Variants in ALK observed in about 807,000 individuals in gnomAD.
ALK encodes the protein ALK tyrosine kinase receptor.
Under a neutral mutation model 163.1 loss-of-function variants are expected in ALK, and 74 were observed. The ratio of observed to expected loss-of-function variants is 0.45; its 90% CI spans 0.38 to 0.55. ALK has a LOEUF of 0.55. Ranked by LOEUF, ALK falls within the 20% of genes least tolerant of loss-of-function variation. ALK has a pLI of 0.00. For synonymous variants in ALK, 960 were observed against 843.2 expected, an observed-to-expected ratio of 1.14 and a Z score of -2.40; for missense variants, 2,063 against 2,105.3, an observed-to-expected ratio of 0.98 and a Z score of 0.39.
intron 11 of ALK, among the ~76,000 whole-genome samples, chr2:29,252,286 T>A (rs1477798278): frequency 6.6e-6 from 1 of 151,752 alleles, no homozygotes; most frequent in Non-Finnish European, 1.5e-5. Flanking sequence ...TTACAACCTA[T>A]AAAAACTTTT....
intron 1 of ALK, among the ~76,000 whole-genome samples, chr2:29,797,037 C>G (rs1664335342): frequency 6.6e-6 from 1 of 151,560 alleles, no homozygotes; most frequent in Admixed American, 6.6e-5. Flanking sequence ...CATACACACA[C>G]ATATATATAT....
intron 1 of ALK, among the ~76,000 whole-genome samples, chr2:29,749,305 A>G (rs1680289697): frequency 6.6e-6 from 1 of 152,204 alleles, no homozygotes; most frequent in African/African-American, 2.4e-5. Flanking sequence ...AACCTGTGAT[A>G]TAGATGAAAG....
intron 4 of ALK, among the ~76,000 whole-genome samples, chr2:29,431,181 A>C (rs1670263963): frequency 6.6e-6 from 1 of 152,186 alleles, no homozygotes; most frequent in Admixed American, 6.5e-5. Context: ...ATTCAATCAA[A>C]TGATTTCTGA....
At chr2:29,826,324 C>A (rs971244482) in intron 1 of ALK, among the ~76,000 whole-genome samples, 1 of 151,986 alleles carries the variant, frequency 6.6e-6, no homozygotes, top group Non-Finnish European at 1.5e-5. Flanking sequence ...ATAGGAAATA[C>A]GTCTGCAGTT....
intron 3 of ALK, among the ~76,000 whole-genome samples, chr2:29,622,258 C>G: frequency 6.6e-6 from 1 of 152,108 alleles, no homozygotes; most frequent in East Asian, 1.9e-4. Context: ...CCTGTTTTCA[C>G]GCTGCTAATA....
intron 3 of ALK, among the ~76,000 whole-genome samples, chr2:29,541,184 T>C (rs1037605503): frequency 6.6e-6 from 1 of 152,176 alleles, no homozygotes; most frequent in Non-Finnish European, 1.5e-5. Flanking sequence ...TAAAGAGAGA[T>C]GGGATGGTAT....
rs757954242 is a variant in ALK, at chr2:29,229,059, T to A, written c.2640A>T (p.Gly880=). Residue 880 remains glycine (G), a synonymous_variant, in exon 16 of 29, where the codon GGA becomes GGT. Transcript: ENST00000389048. ...AGGAAGTGTTATCATTCCAGCCACC[T>A]CCACCACCTGCGGGAAGAGATAGGG... ...LNGNSGAAGG[G]GGWNDNTSLL... The A allele has an allele frequency of 6.2e-7, 1 of 1,613,706 alleles. No individual in the cohort carries two copies. The highest frequency in any genetic ancestry group is 8.5e-7 in the Non-Finnish European group (1 of 1,179,886).
chr2:29,900,993 GAGAGCAAGCAAGCAAGCA>G (rs1667400399), intron 1 of ALK, among the ~76,000 whole-genome samples: 1 of 143,542 alleles, frequency 7.0e-6, no homozygotes, highest in African/African-American at 2.6e-5. Context: ...GAGAGAGAGA[GAGAGCAAGCAAGCAAGCA>G]AGCAAGCAAG....
At chr2:29,268,738 C>T (rs1665302991) in intron 11 of ALK, among the ~76,000 whole-genome samples, 2 of 152,294 alleles carry the variant, frequency 1.3e-5, no homozygotes, top group East Asian at 3.9e-4. Flanking sequence ...TAGTATTGTT[C>T]CTAACAGGCA....
intron 4 of ALK, among the ~76,000 whole-genome samples, chr2:29,509,306 A>G (rs549196168): frequency 6.6e-6 from 1 of 152,324 alleles, no homozygotes; most frequent in South Asian, 2.1e-4. Flanking sequence ...CTGATAGATT[A>G]AAAGAAGCTT....
intron 2 of ALK, among the ~76,000 whole-genome samples, chr2:29,707,752 G>C (rs1254310562): frequency 2.0e-5 from 3 of 152,202 alleles, no homozygotes; most frequent in African/African-American, 7.2e-5. Context: ...TTTTAAGCAA[G>C]AGGCTTAGAG....
intron 3 of ALK, among the ~76,000 whole-genome samples, chr2:29,548,431 C>T (rs1673620461): frequency 6.6e-6 from 1 of 151,884 alleles, no homozygotes; most frequent in African/African-American, 2.4e-5. Context: ...CAAGATCATG[C>T]CACTGCACTC....
chr2:29,475,528 G>A (rs916941621), intron 4 of ALK, among the ~76,000 whole-genome samples: 1 of 152,086 alleles, frequency 6.6e-6, no homozygotes, highest in Non-Finnish European at 1.5e-5. Context: ...AACAGTCTCG[G>A]GCCCGCCGGA....
At position 29,227,105 on chromosome 2, in the gene ALK, GC is replaced by G. The variant is rs748232670; in HGVS notation, c.2915-32del. ...GACAAGGAGGGAGGGTCAGTCTTGG[GC>G]CGAGCCTGCCTCCCCACTCCCAGCC... On this transcript the variant is annotated intron_variant, in intron 17 of 28. Coordinates refer to ENST00000389048, the MANE Select transcript of ALK (RefSeq NM_004304.5). The surrounding 1 kb of genome is among the most constrained non-coding windows in gnomAD (Gnocchi z 4.4). 1 of 1,613,976 alleles carries G rather than the reference GC, an allele frequency of 6.2e-7. No individual in the cohort carries two copies. Among genetic ancestry groups the G allele is most frequent in the Admixed American group, 1.7e-5 (1 of 60,012 alleles).
At chr2:29,673,575 C>T (rs1172257295) in intron 3 of ALK, among the ~76,000 whole-genome samples, 87 of 134,814 alleles carry the variant, frequency 6.5e-4, no homozygotes, top group African/African-American at 2.3e-3. Flanking sequence ...GTTTTGGTTA[C>T]TGTAGCCTTG....
chr2:29,819,697 T>G (rs1664993453), intron 1 of ALK, among the ~76,000 whole-genome samples: 1 of 152,244 alleles, frequency 6.6e-6, no homozygotes, highest in African/African-American at 2.4e-5. Context: ...CTCAGAGCTG[T>G]TGCATGTGTT....
At chr2:29,349,952 C>A (rs1243571623) in intron 5 of ALK, among the ~76,000 whole-genome samples, 1 of 152,220 alleles carries the variant, frequency 6.6e-6, no homozygotes, top group East Asian at 1.9e-4. Context: ...GCAGGAATCA[C>A]TGAAACAGGA....
chr2:29,798,195 G>A (rs1664371423), intron 1 of ALK, among the ~76,000 whole-genome samples: 1 of 152,210 alleles, frequency 6.6e-6, no homozygotes, highest in Admixed American at 6.5e-5. Flanking sequence ...CCATCACCAT[G>A]TTGGGACTTA....
Position 29,885,316 on chromosome 2 carries a change from A to C in ALK, c.667+34677T>G, listed in dbSNP as rs59422142. 4.0e-3 allele frequency among the ~76,000 whole-genome samples: 609 copies of C among 152,298 alleles called. 4 individuals are homozygous for C. Among genetic ancestry groups the C allele is most frequent in the African/African-American group, 0.014 (586 of 41,570 alleles). On this transcript the variant is annotated intron_variant, in intron 1 of 28. Transcript: ENST00000389048. ...GGGGTCACAAGGACCTTTAAGGCTC[A>C]TTACACATGATACTCTATGGAAAGG...
Sources: gnomAD v4.1 joint callset for allele counts (sites outside exome capture counted in the v4.1 genomes callset) on GRCh38, gnomAD v4.1.1 for gene constraint, Gnocchi (gnomAD v3.1) non-coding constraint, MANE v1.5 for transcripts, NCBI Gene and HGNC (gene_info 2026-07-23, HGNC 2026-07-21) for gene names.